Variants in SESTD1 observed in about 807,000 individuals in gnomAD.
SESTD1 encodes the protein SEC14 domain and spectrin repeat-containing protein 1.
A neutral mutation model predicts 101.7 loss-of-function variants in SESTD1; 43 were observed. The observed-to-expected ratio is 0.42, with a 90% CI of 0.33 to 0.55. The LOEUF (loss-of-function observed/expected upper bound fraction) is 0.55, where lower values mean the gene tolerates loss of function less well. Ranked by LOEUF, SESTD1 falls within the 20% of genes least tolerant of loss-of-function variation. The probability of loss-of-function intolerance (pLI) is 0.07; values close to 1 mark genes in which losing one functional copy is unlikely to be tolerated. For synonymous variants in SESTD1, 283 were observed against 286.8 expected (o/e 0.99, Z 0.13); for missense variants, 647 against 815.1 (o/e 0.79, Z 2.51).
At chr2:179,174,013 A>C (rs1431677778) in intron 4 of SESTD1, among the ~76,000 whole-genome samples, 1 of 152,224 alleles carries the variant, frequency 6.6e-6, no homozygotes, top group Non-Finnish European at 1.5e-5. Context: ...CTGGATTGTG[A>C]CTAAGGTAAG....
chr2:179,174,513 T>C (rs1158130029), intron 4 of SESTD1: 2 of 448,114 alleles, frequency 4.5e-6, no homozygotes, highest in Non-Finnish European at 9.1e-6. Flanking sequence ...TCATAATTAA[T>C]GGATTTCTTA....
At chr2:179,189,783 CAAACTGAGAGCCAAAAT>C (rs1201576079) in intron 2 of SESTD1, among the ~76,000 whole-genome samples, 1 of 71,004 alleles carries the variant, frequency 1.4e-5, no homozygotes, top group Non-Finnish European at 2.8e-5. Flanking sequence ...CGATGACACT[CAAACTGAGAGCCAAAAT>C]AAAGAACATA....
chr2:179,191,557 C>A (rs764492048), intron 2 of SESTD1, among the ~76,000 whole-genome samples: 1 of 152,056 alleles, frequency 6.6e-6, no homozygotes, highest in Non-Finnish European at 1.5e-5. Flanking sequence ...AACAGACAGG[C>A]ACATGTACCC....
intron 1 of SESTD1, among the ~76,000 whole-genome samples, chr2:179,195,259 G>A (rs570597139): frequency 1.3e-5 from 2 of 152,270 alleles, no homozygotes; most frequent in South Asian, 4.2e-4. Flanking sequence ...TCATGGGGGT[G>A]GTTCCCCCAT....
intron 12 of SESTD1, 23 bp downstream of exon 12, chr2:179,123,692 C>A: frequency 3.4e-6 from 5 of 1,456,394 alleles, no homozygotes; most frequent in African/African-American, 1.4e-5. Context: ...CCTTATGTTT[C>A]AGCATTTTTA....
chr2:179,184,207 T>C (rs2046170598), intron 2 of SESTD1, among the ~76,000 whole-genome samples: 1 of 152,134 alleles, frequency 6.6e-6, no homozygotes, highest in South Asian at 2.1e-4. Flanking sequence ...TTTGGAAGTT[T>C]CCTACATGTT....
chr2:179,246,484 GCT>G (rs1476156622), intron 1 of SESTD1, among the ~76,000 whole-genome samples: 2 of 152,112 alleles, frequency 1.3e-5, no homozygotes, highest in African/African-American at 4.8e-5. Context: ...AGTATCTCTC[GCT>G]CTCTTTCTCT....
chr2:179,256,409 A>G (rs956507639), intron 1 of SESTD1, among the ~76,000 whole-genome samples: 1 of 152,236 alleles, frequency 6.6e-6, no homozygotes, highest in Non-Finnish European at 1.5e-5. Flanking sequence ...TAAGGGGTTC[A>G]AAATTTCAGT....
chr2:179,231,992 A>G (rs2046995652), intron 1 of SESTD1, among the ~76,000 whole-genome samples: 2 of 152,062 alleles, frequency 1.3e-5, no homozygotes, highest in African/African-American at 4.8e-5. Context: ...CATAACTTTA[A>G]TAATACGTAA....
rs1344639399 is a variant in SESTD1 at position 179,102,005 on chromosome 2, G to T, written c.*7894C>A. ...CTGGAACTGCTATTGTTTATAGCAT[G>T]ATATGATTGTGTTATTTTAAATACA... On this transcript the variant is annotated 3_prime_UTR_variant, in exon 18 of 18. Transcript: ENST00000428443. The T allele has an allele frequency of 6.6e-6, 1 of 152,128 alleles. No homozygotes were observed. Among genetic ancestry groups the T allele is most frequent in the Admixed American group, 6.6e-5 (1 of 15,256 alleles). 9.4% of individuals were successfully genotyped at this position (152,128 alleles called of 1,614,324 possible).
intron 13 of SESTD1, 64 bp downstream of exon 13, chr2:179,121,706 A>G (rs1436165909): frequency 8.6e-6 from 12 of 1,388,342 alleles, no homozygotes; most frequent in Non-Finnish European, 1.1e-5. Flanking sequence ...AAAATGTTAT[A>G]TAACTTCATT....
chr2:179,221,210 A>C (rs1398589529), intron 1 of SESTD1, among the ~76,000 whole-genome samples: 1 of 152,192 alleles, frequency 6.6e-6, no homozygotes, highest in Non-Finnish European at 1.5e-5. Flanking sequence ...GTTTTAACTT[A>C]AAAAATGGAA....
At chr2:179,207,796 G>C (rs1385397445) in intron 1 of SESTD1, among the ~76,000 whole-genome samples, 1 of 133,806 alleles carries the variant, frequency 7.5e-6, no homozygotes, top group African/African-American at 3.0e-5. Context: ...AGTAATTCTG[G>C]TAACATGACA....
intron 5 of SESTD1, among the ~76,000 whole-genome samples, chr2:179,167,919 T>A (rs1233252281): frequency 6.6e-6 from 1 of 152,076 alleles, no homozygotes; most frequent in Non-Finnish European, 1.5e-5. Flanking sequence ...CATGCCACCA[T>A]GCCCGGCTAA....
At chr2:179,243,882 A>T (rs1041006661) in intron 1 of SESTD1, among the ~76,000 whole-genome samples, 1 of 151,826 alleles carries the variant, frequency 6.6e-6, no homozygotes, top group Admixed American at 6.6e-5. Flanking sequence ...AACAAACTAC[A>T]TATGTACCCC....
rs2105519251 is a variant in SESTD1, at chr2:179,213,301, T to C, written c.-25-21435A>G. ...AGAATAAACAGTATAGAGAAGACCT[T>C]AAGTGACCTGATGGAGCTGAAAACC... On this transcript the variant is annotated intron_variant, in intron 1 of 17. Coordinates refer to ENST00000428443, the MANE Select transcript of SESTD1 (RefSeq NM_178123.5). 1.5e-5 allele frequency among the ~76,000 whole-genome samples: 2 copies of C among 134,654 alleles called. 1 individual carries two copies. The highest frequency in any genetic ancestry group is 4.0e-4 in the East Asian group (2 of 4,994). 88.3% of individuals were successfully genotyped at this position (134,654 alleles called of 152,430 possible).
At position 179,143,832 on chromosome 2, in the gene SESTD1, A is replaced by T. The variant is rs761185883; in HGVS notation, c.638-29T>A. The stretch of plus-strand genomic sequence containing the variant: ...TACAAATAAAAGATACTTGAAATTA[A>T]TATCTGTAAAGAAATGTAATTCTCA... On this transcript the variant is annotated intron_variant, in intron 8 of 17. Transcript: ENST00000428443. The T allele has an allele frequency of 6.2e-6, 10 of 1,602,046 alleles. No individual in the cohort carries two copies. In the East Asian group the frequency reaches 1.6e-4, roughly 25 times the overall value.
At position 179,110,223 on chromosome 2, in the gene SESTD1, C is replaced by T. The variant is rs368113264; in HGVS notation, c.1962-195G>A. ...ACATTTTTTAAAATGGCATAAAATA[C>T]ATTAAGACATGATGAGAAAAATATA... On this transcript the variant is annotated intron_variant, in intron 17 of 17. Transcript: ENST00000428443. Among the ~76,000 whole-genome samples the T allele has an allele frequency of 7.2e-5, 11 of 152,026 alleles. No homozygotes were observed. The South Asian group carries it at 2.3e-3, about 32-fold the overall frequency.
At position 179,109,955 on chromosome 2, in the gene SESTD1, C is replaced by T. The variant is rs775868145; in HGVS notation, c.2035G>A (p.Val679Ile). 55 of 1,613,884 alleles carry T rather than the reference C, an allele frequency of 3.4e-5. No homozygotes were observed. Among genetic ancestry groups the T allele is most frequent in the Non-Finnish European group, 4.7e-5 (55 of 1,179,896 alleles). The change falls in exon 18 of 18, where the codon GTT (valine) becomes ATT (isoleucine). Residue 679 changes from valine to isoleucine, a missense_variant. Coordinates refer to ENST00000428443, the MANE Select transcript of SESTD1 (RefSeq NM_178123.5). ...CTCAGCTGCTGCCTTTTGAGATTAA[C>T]TAGTTTCATCCTGTCTCTGATGTTT... ...AENIRDRMKLVNLKRQQLRHP... is the reference protein window; with the variant it reads ...AENIRDRMKLINLKRQQLRHP...
Sources: gnomAD v4.1 joint callset for allele counts (sites outside exome capture counted in the v4.1 genomes callset) on GRCh38, gnomAD v4.1.1 for gene constraint, MANE v1.5 for transcripts, NCBI Gene and HGNC (gene_info 2026-07-23, HGNC 2026-07-21) for gene names.